The following MSRA variants were observed in gnomAD, a reference collection of about 807,000 sequenced individuals.
The protein encoded by MSRA is methionine sulfoxide reductase A.
Under a neutral mutation model 31.3 loss-of-function variants are expected in MSRA, and 54 were observed. The observed-to-expected ratio is 1.73, with a 90% confidence interval of 1.39 to 2.17. The LOEUF is 2.17. Among genes scored for constraint, MSRA ranks in the 30% most tolerant of loss-of-function variants. The probability of loss-of-function intolerance (pLI) is 0.00; values close to 1 mark genes in which losing one functional copy is unlikely to be tolerated. For synonymous variants in MSRA, 169 were observed against 116.5 expected (o/e 1.45, Z -2.90); for missense variants, 507 against 300.9 (o/e 1.69, Z -5.07).
intron 1 of MSRA, among the ~76,000 whole-genome samples, chr8:10,206,181 C>A (rs1808956442): frequency 6.6e-6 from 1 of 152,138 alleles, no homozygotes; most frequent in South Asian, 2.1e-4. Context: ...AACGAAAGGG[C>A]AGATCTTTGA....
At position 10,123,328 on chromosome 8, in the gene MSRA, A is replaced by G. The variant is rs374381280; in HGVS notation, c.142+68670A>G. Among the ~76,000 whole-genome samples, 37 of 152,280 alleles carry G rather than the reference A, an allele frequency of 2.4e-4. 1 individual carries two copies. Among genetic ancestry groups the G allele is most frequent in the African/African-American group, 8.4e-4 (35 of 41,558 alleles). On this transcript the variant is annotated intron_variant, in intron 1 of 5. Coordinates refer to ENST00000317173, the MANE Select transcript of MSRA (RefSeq NM_012331.5). ...ATTGTTGGCTGCATGTATGTTGTCT[A>G]TTGAAAAGTGTCTGTTCATGCCCTT...
chr8:10,262,692 T>C (rs1452525131), intron 3 of MSRA, among the ~76,000 whole-genome samples: 1 of 152,226 alleles, frequency 6.6e-6, no homozygotes, highest in African/African-American at 2.4e-5. Context: ...TCCCCAGGCA[T>C]CCATTATTTG....
rs147826334 is a variant in MSRA, at chr8:10,094,525, A to C, written c.142+39867A>C. 1.4e-3 allele frequency among the ~76,000 whole-genome samples: 211 copies of C among 152,330 alleles called. 1 individual carries two copies. The Middle Eastern group carries it at 0.017, about 12-fold the overall frequency. ...AAGTCACTGATTTTCATAAGTGGTA[A>C]ATGAGCAAACTGAGGAGATTAGATA... On this transcript the variant is annotated intron_variant, in intron 1 of 5. Coordinates refer to ENST00000317173, the MANE Select transcript of MSRA (RefSeq NM_012331.5).
chr8:10,149,397 T>C (rs1228713705), intron 1 of MSRA, among the ~76,000 whole-genome samples: 1 of 152,218 alleles, frequency 6.6e-6, no homozygotes, highest in Non-Finnish European at 1.5e-5. Flanking sequence ...GTGCTGGGGT[T>C]ACAGGCGTGA....
chr8:10,222,557 A>G (rs940666679), intron 2 of MSRA, among the ~76,000 whole-genome samples: 3 of 152,216 alleles, frequency 2.0e-5, no homozygotes, highest in African/African-American at 7.2e-5. Flanking sequence ...TCTCACGTTC[A>G]TTGAGGCACT....
rs1156932960 is a variant in MSRA, at chr8:10,207,893, C to T, written c.203C>T (p.Ala68Val). 4 of 1,610,692 alleles carry T rather than the reference C, an allele frequency of 2.5e-6. No homozygotes were observed. The highest frequency in any genetic ancestry group is 1.7e-5 in the Admixed American group (1 of 59,876). ...CCTTTCCCAGAGGGAACACAGATGG[C>T]TGTATTTGGTAAGATATCAATTCTG... ...VEPFPEGTQMAVFGMGCFWGA... is the reference protein window; with the variant it reads ...VEPFPEGTQMVVFGMGCFWGA... Residue 68 changes from alanine (A) to valine (V), a missense_variant, in exon 2 of 6, where the codon GCT (alanine) becomes GTT (valine). Transcript: ENST00000317173.
intron 5 of MSRA, among the ~76,000 whole-genome samples, chr8:10,368,077 A>C (rs1470335043): frequency 6.6e-6 from 1 of 152,182 alleles, no homozygotes; most frequent in African/African-American, 2.4e-5. Context: ...GTCCTGCCAC[A>C]GCAGAGCCAG....
At chr8:10,260,565 AC>A (rs1441136153) in intron 3 of MSRA, among the ~76,000 whole-genome samples, 1 of 152,200 alleles carries the variant, frequency 6.6e-6, no homozygotes, top group African/African-American at 2.4e-5. Context: ...TAAATTGGCT[AC>A]CCAGGGACCA....
chr8:10,389,554 G>A (rs1283503073), intron 5 of MSRA, among the ~76,000 whole-genome samples: 1 of 152,186 alleles, frequency 6.6e-6, no homozygotes, highest in Non-Finnish European at 1.5e-5. Flanking sequence ...CAGGGGAGCT[G>A]TTATGAGAAC....
intron 1 of MSRA, among the ~76,000 whole-genome samples, chr8:10,204,385 C>T (rs1054135930): frequency 6.6e-6 from 1 of 152,218 alleles, no homozygotes; most frequent in African/African-American, 2.4e-5. Context: ...GTCCTGCAAG[C>T]TCCATTTGTC....
At position 10,300,124 on chromosome 8, in the gene MSRA, T is replaced by TTGTGTGTGTG. The variant is rs10682921; in HGVS notation, c.332-1393_332-1384dup. Among the ~76,000 whole-genome samples the TTGTGTGTGTG allele has an allele frequency of 4.2e-3, 630 of 149,652 alleles. 2 individuals are homozygous for TTGTGTGTGTG. The highest frequency in any genetic ancestry group is 0.017 in the South Asian group (79 of 4,728). ...CTGTAATGAATGCAGTGGAAGAAAT[T>TTGTGTGTGTG]TGTGTGTGTGTGTGTGTGTGTGTGT... On this transcript the variant is annotated intron_variant, in intron 3 of 5. Coordinates refer to ENST00000317173, the MANE Select transcript of MSRA (RefSeq NM_012331.5).
intron 2 of MSRA, among the ~76,000 whole-genome samples, chr8:10,239,705 A>G (rs1812244399): frequency 1.3e-5 from 2 of 152,242 alleles, no homozygotes; most frequent in South Asian, 4.1e-4. Context: ...TTTGGGGACT[A>G]GGACCTCTAA....
chr8:10,279,528 C>G (rs377484077), intron 3 of MSRA, among the ~76,000 whole-genome samples: 1 of 152,158 alleles, frequency 6.6e-6, no homozygotes, highest in East Asian at 1.9e-4. Context: ...CACGCCTTCT[C>G]TGTATGACTG....
rs377334413 is a variant in MSRA at position 10,363,738 on chromosome 8, C to CACACA, written c.543+43749_543+43750insACACA. ...TGGGCAACCAAGCAAGATGCAGTCA[C>CACACA]CACACACACACACACACACACACAC... is the stretch of plus-strand genomic sequence containing the variant. On this transcript the variant is annotated intron_variant, in intron 5 of 5. Transcript: ENST00000317173. Among the ~76,000 whole-genome samples the CACACA allele has an allele frequency of 1.3e-4, 13 of 103,368 alleles. 1 individual carries two copies. The highest frequency in any genetic ancestry group is 4.3e-4 in the African/African-American group (13 of 29,952). 67.8% of individuals were successfully genotyped at this position (103,368 alleles called of 152,430 possible).
intron 5 of MSRA, among the ~76,000 whole-genome samples, chr8:10,356,418 C>A (rs1330486893): frequency 1.3e-5 from 2 of 152,188 alleles, no homozygotes; most frequent in African/African-American, 4.8e-5. Flanking sequence ...TCCATCTGCC[C>A]CACCCCAGTT....
In MSRA at chr8:10,184,003, AGGTGGTGGT is replaced by A. The variant is rs1195239874; in HGVS notation, c.143-23825_143-23817del. ...AGTGTTGCTGGTTTTCTTGGCTACT[AGGTGGTGGT>A]GGTGTTGGTGGTGTTGGTCTTGGTG... On this transcript the variant is annotated intron_variant, in intron 1 of 5. Transcript: ENST00000317173. Among the ~76,000 whole-genome samples the A allele has an allele frequency of 7.7e-3, 300 of 38,894 alleles. 1 individual carries two copies. Among genetic ancestry groups the A allele is most frequent in the Non-Finnish European group, 0.012 (226 of 19,038 alleles). 25.5% of individuals were successfully genotyped at this position (38,894 alleles called of 152,430 possible). A position where few individuals can be genotyped will look rare whatever the true frequency, so the allele number is the denominator to read the frequency against.
At chr8:10,095,973 A>C in intron 1 of MSRA, 1 of 1,391,274 alleles carries the variant, frequency 7.2e-7, no homozygotes, top group East Asian at 2.6e-5. Flanking sequence ...CTACAAAATA[A>C]AGTTTGTTCA....
At chr8:10,245,287 G>C in intron 3 of MSRA, 64 bp downstream of exon 3, 1 of 1,414,344 alleles carries the variant, frequency 7.1e-7, no homozygotes, top group Non-Finnish European at 9.7e-7. Flanking sequence ...ACTACTGTTG[G>C]GTGACAGGCT....
At chr8:10,166,434 G>A (rs985639409) in intron 1 of MSRA, among the ~76,000 whole-genome samples, 3 of 152,132 alleles carry the variant, frequency 2.0e-5, no homozygotes, top group Admixed American at 2.0e-4. Context: ...CTGTGCGTGT[G>A]TATGCATTTG....
Sources: allele counts gnomAD v4.1 joint callset (sites outside exome capture counted in the v4.1 genomes callset), GRCh38; gene constraint gnomAD v4.1.1; transcripts MANE v1.5; gene names NCBI Gene and HGNC (gene_info 2026-07-23, HGNC 2026-07-21).